Variants in SEMA3E observed in about 807,000 individuals in gnomAD.
SEMA3E encodes semaphorin 3E.
In SEMA3E, 49 loss-of-function variants were observed where a neutral mutation model predicts 93.6. That is an observed-to-expected ratio of 0.52 (90% CI 0.42 to 0.66). The LOEUF (loss-of-function observed/expected upper bound fraction) is 0.66. Ranked by LOEUF, SEMA3E falls within the 30% of genes least tolerant of loss-of-function variation. SEMA3E has a pLI of 0.00. For synonymous variants in SEMA3E, 363 were observed against 330.7 expected (o/e 1.10, Z -1.06); for missense variants, 906 against 964.8 (o/e 0.94, Z 0.81).
At chr7:83,542,494 T>C (rs1447587252) in intron 1 of SEMA3E, among the ~76,000 whole-genome samples, 1 of 152,194 alleles carries the variant, frequency 6.6e-6, no homozygotes, top group African/African-American at 2.4e-5. Flanking sequence ...ATTTAAAATA[T>C]TTTAACATAG....
rs759912253 is a variant in SEMA3E at position 83,385,320 on chromosome 7, T to C, written c.1849A>G (p.Lys617Glu). ...LQAKVIWFVQ[K>E]GRETRKEEVK... is the part of the protein sequence containing the mutation. ...TCCTCTTTTCTTGTCTCACGTCCTT[T>C]CTGTACAAACCAGATAACTTTCGCT... is the stretch of plus-strand genomic sequence containing the variant. The change falls in exon 16 of 17, where the codon AAA becomes GAA. Residue 617 changes from lysine (K) to glutamate (E), a missense_variant. Transcript: ENST00000643230. 1.2e-6 allele frequency: 2 copies of C among 1,613,334 alleles called. No individual in the cohort carries two copies. The highest frequency in any genetic ancestry group is 4.5e-5 in the East Asian group (2 of 44,846).
At chr7:83,644,526 T>C (rs1794056673) in intron 1 of SEMA3E, among the ~76,000 whole-genome samples, 1 of 151,998 alleles carries the variant, frequency 6.6e-6, no homozygotes, top group Non-Finnish European at 1.5e-5. Flanking sequence ...TAAGGTGCAT[T>C]CACAGATATT....
chr7:83,607,210 C>T (rs1032723932), intron 1 of SEMA3E, among the ~76,000 whole-genome samples: 3 of 152,218 alleles, frequency 2.0e-5, no homozygotes, highest in African/African-American at 7.2e-5. Context: ...TTCAACCAGT[C>T]AGTTATTGTG....
intron 1 of SEMA3E, among the ~76,000 whole-genome samples, chr7:83,539,895 G>GTGTGTT (rs1367132669): frequency 1.1e-4 from 16 of 150,426 alleles, no homozygotes; most frequent in African/African-American, 4.0e-4. Context: ...GTGTGTGTGT[G>GTGTGTT]TTTGAAGTGG....
At chr7:83,435,680 A>G (rs1017524567) in intron 4 of SEMA3E, among the ~76,000 whole-genome samples, 6 of 152,194 alleles carry the variant, frequency 3.9e-5, no homozygotes, top group African/African-American at 1.4e-4. Context: ...TTCAATATTT[A>G]TACACCAAAC....
At chr7:83,595,000 G>A (rs1792840288) in intron 1 of SEMA3E, among the ~76,000 whole-genome samples, 1 of 151,574 alleles carries the variant, frequency 6.6e-6, no homozygotes, top group South Asian at 2.1e-4. Flanking sequence ...AAATTAGTAG[G>A]CCTCTTTCCC....
intron 1 of SEMA3E, chr7:83,612,768 GC>G (rs1204395337): frequency 6.6e-6 from 1 of 152,094 alleles, no homozygotes; most frequent in Non-Finnish European, 1.5e-5. Context: ...TTGGGAAAAA[GC>G]CCTTTGGAAA....
At chr7:83,437,957 A>G (rs1789037351) in intron 4 of SEMA3E, among the ~76,000 whole-genome samples, 1 of 152,190 alleles carries the variant, frequency 6.6e-6, no homozygotes, top group East Asian at 1.9e-4. Context: ...ATAAGCCTAA[A>G]CAAGCATAAG....
chr7:83,458,588 A>G (rs2115846964), intron 4 of SEMA3E, among the ~76,000 whole-genome samples: 1 of 151,938 alleles, frequency 6.6e-6, no homozygotes, highest in African/African-American at 2.4e-5. Flanking sequence ...TAGTGCCTGG[A>G]AAGTTGAAAA....
At chr7:83,476,643 T>G (rs1790016223) in intron 2 of SEMA3E, among the ~76,000 whole-genome samples, 1 of 152,158 alleles carries the variant, frequency 6.6e-6, no homozygotes, top group Non-Finnish European at 1.5e-5. Flanking sequence ...AAATGGAAAG[T>G]TATTTTTAAA....
In SEMA3E at chr7:83,608,747, T is replaced by C. The variant is rs536368401; in HGVS notation, c.115+39681A>G. On this transcript the variant is annotated intron_variant, in intron 1 of 16. Coordinates refer to ENST00000643230, the MANE Select transcript of SEMA3E (RefSeq NM_012431.3). Reference sequence around the variant, plus strand: ...GAATTGTTTGAATTCGTATGCAAGATTTTTAGTGTATGTAAGTTTTGTATT... The same window carrying C: ...GAATTGTTTGAATTCGTATGCAAGACTTTTAGTGTATGTAAGTTTTGTATT... 4.3e-4 allele frequency among the ~76,000 whole-genome samples: 66 copies of C among 152,224 alleles called. 2 individuals carry two copies. Among genetic ancestry groups the C allele is most frequent in the Middle Eastern group, 3.4e-3 (1 of 294 alleles).
intron 1 of SEMA3E, among the ~76,000 whole-genome samples, chr7:83,491,251 A>G (rs1790375998): frequency 6.6e-6 from 1 of 152,066 alleles, no homozygotes; most frequent in Non-Finnish European, 1.5e-5. Context: ...GAGAAAGAAG[A>G]GCTGAAGTAT....
chr7:83,602,103 C>T (rs1254872493), intron 1 of SEMA3E, among the ~76,000 whole-genome samples: 3 of 152,070 alleles, frequency 2.0e-5, no homozygotes, highest in Non-Finnish European at 4.4e-5. Flanking sequence ...GTAGTGGAGA[C>T]GATTCCTGTA....
At chr7:83,416,612 GAAT>G (rs988520950) in intron 5 of SEMA3E, among the ~76,000 whole-genome samples, 11 of 151,872 alleles carry the variant, frequency 7.2e-5, no homozygotes, top group Middle Eastern at 3.2e-3. Flanking sequence ...TGATTCTTAT[GAAT>G]AATATTCCAA....
chr7:83,456,823 A>G (rs1292642161), intron 4 of SEMA3E, among the ~76,000 whole-genome samples: 6 of 151,994 alleles, frequency 3.9e-5, no homozygotes, highest in African/African-American at 1.5e-4. Context: ...CATGTTGGCC[A>G]GGCTGGTCTT....
intron 1 of SEMA3E, among the ~76,000 whole-genome samples, chr7:83,611,829 T>A (rs1229386999): frequency 6.6e-6 from 1 of 152,106 alleles, no homozygotes; most frequent in Non-Finnish European, 1.5e-5. Flanking sequence ...TCCGGCCTTT[T>A]CAGTCTGAGA....
Position 83,385,275 on chromosome 7 carries a change from A to G in SEMA3E, c.1875+19T>C, listed in dbSNP as rs373351427. On this transcript the variant is annotated intron_variant, in intron 16 of 16. Transcript: ENST00000643230. ...CTATATGCAAAATACTATGTTTTGA[A>G]TATGCAGCTATGAATTACCTCCTCT... is the stretch of plus-strand genomic sequence containing the variant. 40 of 1,612,506 alleles carry G rather than the reference A, an allele frequency of 2.5e-5. No homozygotes were observed. The highest frequency in any genetic ancestry group is 3.4e-5 in the Non-Finnish European group (40 of 1,178,976).
chr7:83,630,999 G>A (rs7805873), intron 1 of SEMA3E, among the ~76,000 whole-genome samples: 25,370 of 151,914 alleles, frequency 0.17, 2,763 homozygotes, highest in Middle Eastern at 0.29. Flanking sequence ...AAGAACATGG[G>A]ACTTTCTACA....
intron 1 of SEMA3E, among the ~76,000 whole-genome samples, chr7:83,626,146 G>A (rs546403514): frequency 1.8e-3 from 273 of 152,238 alleles, no homozygotes; most frequent in African/African-American, 6.3e-3. Flanking sequence ...TGTTCATCAG[G>A]GATATTGGAC....
Sources: allele counts gnomAD v4.1 joint callset (sites outside exome capture counted in the v4.1 genomes callset), GRCh38; gene constraint gnomAD v4.1.1; transcripts MANE v1.5; gene names NCBI Gene and HGNC (gene_info 2026-07-23, HGNC 2026-07-21).